RGP1: variants seen among roughly 807,000 people sequenced by gnomAD.
The protein encoded by RGP1 is RGP1 partner of RAB6A GEF complex, also known as RAB6A-GEF complex partner protein 2.
RGP1 carries 28 observed loss-of-function variants against 44.5 expected under a neutral mutation model. That is an observed-to-expected ratio of 0.63 (90% CI 0.47 to 0.86). RGP1 has a LOEUF of 0.86. RGP1 is among the 40% of genes least tolerant of loss of function. RGP1 has a pLI of 0.00. For missense variants in RGP1, 417 were observed against 490.7 expected (o/e 0.85, Z 1.42); for synonymous variants, 212 against 196.7 (o/e 1.08, Z -0.65).
rs768328821 is a variant in RGP1 at position 35,750,665 on chromosome 9, G to T, written c.261G>T (p.Arg87Ser). The T allele has an allele frequency of 1.2e-6, 2 of 1,613,796 alleles. No individual in the cohort carries two copies. Among genetic ancestry groups the T allele is most frequent in the Admixed American group, 3.3e-5 (2 of 59,994 alleles). ...CATTTTTACCTTTTTCAGGTGAGAGGGGCCAGTGTATCCTTTCTACTCCAC... is the reference window on the plus strand; with the variant it reads ...CATTTTTACCTTTTTCAGGTGAGAGTGGCCAGTGTATCCTTTCTACTCCAC... ...QTVFLPHRGE[R>S]GQCILSTPPK... Residue 87 changes from arginine (R) to serine (S), a missense_variant, in exon 4 of 9, where the codon AGG becomes AGT. Arg to Ser is a moderately radical substitution (Grantham distance 110, BLOSUM62 -1). Transcript: ENST00000378078.
In RGP1 at chr9:35,751,395, C is replaced by G. The variant is rs1012566766; in HGVS notation, c.617C>G (p.Thr206Arg). 2.5e-6 allele frequency: 4 copies of G among 1,613,856 alleles called. No homozygotes were observed. The African/African-American group carries it at 5.3e-5, about 22-fold the overall frequency. ...GCTGGGGAACGCCTAATGGCTGCCA[C>G]ATCCTGCCGCAGCCTCCGTGAGAAT... ...ELAGERLMAA[T>R]SCRSLHLYNI... The change falls in exon 6 of 9, where the codon ACA becomes AGA. Residue 206 changes from threonine to arginine, a missense_variant. By Grantham distance (71) the Thr-to-Arg change is moderately conservative. Transcript: ENST00000378078.
At chr9:35,752,307 C>G (rs755567613) in intron 8 of RGP1, among the ~76,000 whole-genome samples, 162 bp downstream of exon 8, 28 of 152,306 alleles carry the variant, frequency 1.8e-4, no homozygotes, top group African/African-American at 6.5e-4. Flanking sequence ...CTTCCTGTTT[C>G]TTAGATGCAC....
downstream of RGP1, among the ~76,000 whole-genome samples, chr9:35,761,659 G>A (rs181059317): frequency 1.3e-5 from 2 of 151,954 alleles, no homozygotes; most frequent in African/African-American, 4.8e-5. Flanking sequence ...GGGTGACAGA[G>A]CAAGACCCTG....
rs1318050314 is a variant in RGP1, at chr9:35,750,959, A to G, written c.457A>G (p.Arg153Gly). 3 of 1,613,904 alleles carry G rather than the reference A, an allele frequency of 1.9e-6. No individual in the cohort carries two copies. Among genetic ancestry groups the G allele is most frequent in the Admixed American group, 1.7e-5 (1 of 60,012 alleles). Reference protein sequence around the residue: ...QRVNSPITLLRVPLRVLVLTG... With the variant: ...QRVNSPITLLGVPLRVLVLTG... ...TGTCAACTCCCCTATCACTTTACTC[A>G]GAGTCCCTCTGAGGGTTCTTGTGCT... is the stretch of plus-strand genomic sequence containing the variant. Residue 153 changes from arginine (R) to glycine (G), a missense_variant, in exon 5 of 9, where the codon AGA becomes GGA. Transcript: ENST00000378078.
chr9:35,769,811 T>G, the RGP1 span, among the ~76,000 whole-genome samples: 3 of 152,186 alleles, frequency 2.0e-5, no homozygotes, highest in African/African-American at 7.2e-5. Context: ...CAGGATCAGT[T>G]GTTTGTATTT....
At chr9:35,767,929 A>T in the RGP1 span, among the ~76,000 whole-genome samples, 3 of 151,732 alleles carry the variant, frequency 2.0e-5, no homozygotes, top group Admixed American at 2.0e-4. Context: ...CAGCCTGAGT[A>T]GCTGGGATTA....
the RGP1 span, among the ~76,000 whole-genome samples, chr9:35,763,717 A>G: frequency 6.6e-6 from 1 of 152,002 alleles, no homozygotes; most frequent in Non-Finnish European, 1.5e-5. Flanking sequence ...CCCTGTCTCT[A>G]CTAAAAATAC....
the RGP1 span, among the ~76,000 whole-genome samples, chr9:35,779,642 A>C: frequency 1.3e-5 from 2 of 152,228 alleles, no homozygotes; most frequent in Non-Finnish European, 2.9e-5. Context: ...GGAGGGTTAA[A>C]GAGATGGCTT....
At chr9:35,778,786 G>A in the RGP1 span, among the ~76,000 whole-genome samples, 72 of 152,224 alleles carry the variant, frequency 4.7e-4, 2 homozygotes, top group South Asian at 0.015. Context: ...CTAGATCCAC[G>A]TGCACCTGAA....
At position 35,753,802 on chromosome 9, in the gene RGP1, G is replaced by C. The variant is rs1167466762; in HGVS notation, c.*928G>C. The C allele has an allele frequency of 1.9e-6, 3 of 1,581,706 alleles. No individual in the cohort carries two copies. The highest frequency in any genetic ancestry group is 2.6e-6 in the Non-Finnish European group (3 of 1,151,262). ...GAACGGGAAATGTTAGTAGGTGTAG[G>C]AGTGCTGATGAGAGGCAGAGGCTCT... On this transcript the variant is annotated 3_prime_UTR_variant, in exon 9 of 9. Transcript: ENST00000378078. This position sits in a 1 kb window ranked among gnomAD's most constrained non-coding sequence, Gnocchi z 4.2.
chr9:35,759,567 CAAAAAAAAAAAA>C (rs57938702), downstream of RGP1, among the ~76,000 whole-genome samples: 6 of 38,280 alleles, frequency 1.6e-4, no homozygotes, highest in East Asian at 1.0e-3. Flanking sequence ...ACCCTGTCTC[CAAAAAAAAAAAA>C]AAAAAAAAAA....
At chr9:35,786,957 G>A in the RGP1 span, among the ~76,000 whole-genome samples, 5 of 151,514 alleles carry the variant, frequency 3.3e-5, no homozygotes, top group South Asian at 2.1e-4. Context: ...AAAATTAGCC[G>A]GGCGTGGTGG....
Position 35,753,942 on chromosome 9 carries a change from C to A in RGP1, c.*1068C>A. On this transcript the variant is annotated 3_prime_UTR_variant, in exon 9 of 9. Coordinates refer to ENST00000378078, the MANE Select transcript of RGP1 (RefSeq NM_001080496.3). This position sits in a 1 kb window ranked among gnomAD's most constrained non-coding sequence, Gnocchi z 4.2. ...TGACACGGGATCATCTGTAAGGCCCCATCCTCCCTGTGCCCTCTCTGCTGC... is the reference window on the plus strand; with the variant it reads ...TGACACGGGATCATCTGTAAGGCCCAATCCTCCCTGTGCCCTCTCTGCTGC... The A allele has an allele frequency of 6.3e-7, 1 of 1,579,698 alleles. No individual in the cohort carries two copies. The highest frequency in any genetic ancestry group is 8.6e-7 in the Non-Finnish European group (1 of 1,159,850).
the RGP1 span, among the ~76,000 whole-genome samples, chr9:35,769,974 A>G: frequency 5.3e-5 from 8 of 152,238 alleles, no homozygotes; most frequent in African/African-American, 1.9e-4. Flanking sequence ...ACCTGGGGGC[A>G]GGGACTGCTT....
the RGP1 span, among the ~76,000 whole-genome samples, chr9:35,774,711 A>G: frequency 5.3e-5 from 8 of 152,202 alleles, no homozygotes; most frequent in East Asian, 3.8e-4. Context: ...GCGACAGAGC[A>G]AGACTCTGTC....
intron 3 of RGP1, 136 bp downstream of exon 3, chr9:35,750,515 T>TATTG: frequency 7.7e-7 from 1 of 1,299,398 alleles, no homozygotes. Flanking sequence ...GGAGCATGAC[T>TATTG]ATTGCTTTAG....
chr9:35,789,455 T>C, the RGP1 span, among the ~76,000 whole-genome samples: 2 of 150,750 alleles, frequency 1.3e-5, no homozygotes, highest in Non-Finnish European at 3.0e-5. Context: ...CGTGCCACCA[T>C]ATCTGATTGA....
At chr9:35,778,689 C>T in the RGP1 span, among the ~76,000 whole-genome samples, 3 of 152,222 alleles carry the variant, frequency 2.0e-5, no homozygotes, top group African/African-American at 7.2e-5. Context: ...CCCACTCCCT[C>T]CTCTCGAATG....
the RGP1 span, among the ~76,000 whole-genome samples, chr9:35,770,531 GA>G: frequency 2.6e-4 from 32 of 124,308 alleles, 2 homozygotes; most frequent in South Asian, 6.0e-3. Context: ...GAGAGAGAGA[GA>G]GAGAGAGTTG....
Sources: allele counts gnomAD v4.1 joint callset (sites outside exome capture counted in the v4.1 genomes callset), GRCh38; gene constraint gnomAD v4.1.1; non-coding constraint Gnocchi (gnomAD v3.1); transcripts MANE v1.5; gene names NCBI Gene and HGNC (gene_info 2026-07-23, HGNC 2026-07-21).